The following NRCAM variants were observed in gnomAD, a reference collection of about 807,000 sequenced individuals.
The protein encoded by NRCAM is NgCAM-related cell adhesion molecule.
In NRCAM, 83 loss-of-function variants were observed where a neutral mutation model predicts 156.5. The ratio of observed to expected loss-of-function variants is 0.53; its 90% CI spans 0.44 to 0.64. The LOEUF (loss-of-function observed/expected upper bound fraction) is 0.64. NRCAM is among the 30% of genes least tolerant of loss of function. The pLI is 0.00. For missense variants in NRCAM, 1,417 were observed against 1,597.3 expected (o/e 0.89, Z 1.92); for synonymous variants, 538 against 563.9 (o/e 0.95, Z 0.65).
At chr7:108,383,266 T>C (rs1449404045) in intron 2 of NRCAM, among the ~76,000 whole-genome samples, 1 of 152,228 alleles carries the variant, frequency 6.6e-6, no homozygotes, top group Admixed American at 6.5e-5. Context: ...TTGGGAGTTA[T>C]TTTCACTTCA....
intron 3 of NRCAM, among the ~76,000 whole-genome samples, chr7:108,241,902 T>C (rs2095551997): frequency 6.6e-6 from 1 of 152,202 alleles, no homozygotes; most frequent in Non-Finnish European, 1.5e-5. Context: ...ATAATCCTAA[T>C]AACATATTTT....
At chr7:108,349,440 T>C (rs1241607798) in intron 2 of NRCAM, among the ~76,000 whole-genome samples, 1 of 152,030 alleles carries the variant, frequency 6.6e-6, no homozygotes, top group African/African-American at 2.4e-5. Flanking sequence ...TGCTAATTTT[T>C]TGTATTTTTA....
At chr7:108,205,322 T>C (rs1401560203) in intron 13 of NRCAM, among the ~76,000 whole-genome samples, 2 of 152,228 alleles carry the variant, frequency 1.3e-5, no homozygotes, top group Non-Finnish European at 2.9e-5. Flanking sequence ...GTGAGCAATA[T>C]ATTTCTGTTG....
intron 1 of NRCAM, among the ~76,000 whole-genome samples, chr7:108,410,377 A>T (rs1793940823): frequency 6.6e-6 from 1 of 152,200 alleles, no homozygotes; most frequent in South Asian, 2.1e-4. Context: ...TAGAAAGACT[A>T]GGGGATAATT....
Position 108,223,783 on chromosome 7 carries a change from T to C in NRCAM, c.832A>G (p.Ser278Gly), listed in dbSNP as rs1277873049. The C allele has an allele frequency of 3.7e-6, 6 of 1,611,908 alleles. No homozygotes were observed. The highest frequency in any genetic ancestry group is 1.3e-5 in the African/African-American group (1 of 74,898). Residue 278 changes from serine (S) to glycine (G), a missense_variant, in exon 11 of 33, where the codon AGT (serine) becomes GGT (glycine). By Grantham distance (56) the Ser-to-Gly change is moderately conservative. This residue lies in a region of NRCAM where 1,238 missense variants were observed against 1,336.4 expected (regional missense o/e 0.93). Transcript: ENST00000379028. ...PTFLTPEGNA[S>G]NKEELRGNVL... ...TTTCCTCTTAATTCCTCTTTGTTAC[T>C]TGCATTGCCTTCTGGAGTTAAAAAT...
intron 1 of NRCAM, among the ~76,000 whole-genome samples, chr7:108,425,516 T>C (rs77885423): frequency 1.7e-3 from 255 of 152,300 alleles, no homozygotes; most frequent in African/African-American, 5.9e-3. Context: ...AGTGTGTCCA[T>C]TTTCCTCACA....
intron 1 of NRCAM, among the ~76,000 whole-genome samples, 159 bp downstream of exon 1, chr7:108,456,084 T>C (rs1857129084): frequency 6.6e-6 from 1 of 151,832 alleles, no homozygotes; most frequent in Admixed American, 6.5e-5. Flanking sequence ...GAGATCTGCT[T>C]TGCCCCTCCT....
intron 26 of NRCAM, 41 bp downstream of exon 26, chr7:108,177,948 TA>T: frequency 2.6e-6 from 4 of 1,548,566 alleles, no homozygotes; most frequent in Middle Eastern, 1.8e-4. Flanking sequence ...ATAAATAAAA[TA>T]AAAAAACATA....
chr7:108,293,946 C>T (rs1166693175), intron 3 of NRCAM, among the ~76,000 whole-genome samples: 1 of 152,144 alleles, frequency 6.6e-6, no homozygotes, highest in African/African-American at 2.4e-5. Context: ...ACACCTGTTC[C>T]TCTATACCTT....
chr7:108,448,162 C>T (rs1006293406), intron 1 of NRCAM, among the ~76,000 whole-genome samples: 6 of 152,160 alleles, frequency 3.9e-5, no homozygotes, highest in Admixed American at 3.9e-4. Flanking sequence ...TGAAATTTAC[C>T]TTAAAATTCA....
At chr7:108,324,384 A>T (rs910916816) in intron 2 of NRCAM, among the ~76,000 whole-genome samples, 5 of 152,140 alleles carry the variant, frequency 3.3e-5, no homozygotes, top group Admixed American at 6.5e-5. Context: ...TTTCCTTTAA[A>T]GCCTTTCCTT....
intron 2 of NRCAM, among the ~76,000 whole-genome samples, chr7:108,371,657 C>T (rs1269930935): frequency 6.6e-6 from 1 of 152,114 alleles, no homozygotes. Context: ...TGTGGATATA[C>T]AGATGATTAA....
At chr7:108,155,978 G>A (rs1405896485) in intron 32 of NRCAM, among the ~76,000 whole-genome samples, 5 of 151,686 alleles carry the variant, frequency 3.3e-5, no homozygotes, top group Admixed American at 2.0e-4. Flanking sequence ...AGTAAAATTC[G>A]GCAACAGCAG....
intron 3 of NRCAM, among the ~76,000 whole-genome samples, chr7:108,248,302 T>C (rs1053495789): frequency 6.6e-6 from 1 of 152,174 alleles, no homozygotes; most frequent in African/African-American, 2.4e-5. Context: ...GGCAGGCTAG[T>C]CACTTTGAAA....
At chr7:108,410,910 T>C (rs999438422) in intron 1 of NRCAM, among the ~76,000 whole-genome samples, 2 of 152,232 alleles carry the variant, frequency 1.3e-5, no homozygotes, top group Non-Finnish European at 2.9e-5. Context: ...CAAAATAGTT[T>C]ATATAACATC....
chr7:108,231,213 C>T, intron 7 of NRCAM, 60 bp from the exon 8 acceptor site: 3 of 1,325,210 alleles, frequency 2.3e-6, no homozygotes, highest in Admixed American at 2.9e-5. Context: ...AAAAAGAAAG[C>T]CCTACAAATA....
chr7:108,297,332 T>C (rs1183166601), intron 3 of NRCAM, among the ~76,000 whole-genome samples: 1 of 152,202 alleles, frequency 6.6e-6, no homozygotes, highest in African/African-American at 2.4e-5. Flanking sequence ...ATTTTAACAA[T>C]GGAAAGCCAC....
chr7:108,233,717 A>C (rs2094581091), intron 6 of NRCAM, among the ~76,000 whole-genome samples: 1 of 152,188 alleles, frequency 6.6e-6, no homozygotes, highest in African/African-American at 2.4e-5. Context: ...GTTTGTGATA[A>C]TTTAATAAGG....
At chr7:108,430,168 T>G (rs1432928963) in intron 1 of NRCAM, among the ~76,000 whole-genome samples, 1 of 152,132 alleles carries the variant, frequency 6.6e-6, no homozygotes, top group African/African-American at 2.4e-5. Context: ...TTTGTTTTCG[T>G]TTTTGGTAAG....
Sources: allele counts gnomAD v4.1 joint callset (sites outside exome capture counted in the v4.1 genomes callset), GRCh38; gene constraint gnomAD v4.1.1; regional missense constraint gnomAD v4.1.1; transcripts MANE v1.5; gene names NCBI Gene and HGNC (gene_info 2026-07-23, HGNC 2026-07-21).